The following TUB variants were observed in gnomAD, a reference collection of about 807,000 sequenced individuals.
TUB encodes the protein TUB bipartite transcription factor, also known as tubby protein homolog.
In TUB, 33 loss-of-function variants were observed where a neutral mutation model predicts 59.7. The observed-to-expected ratio is 0.55, with a 90% confidence interval of 0.42 to 0.74. The LOEUF is 0.74. Ranked by LOEUF, TUB falls within the 30% of genes least tolerant of loss-of-function variation. The probability of loss-of-function intolerance (pLI) is 0.00; values close to 1 mark genes in which losing one functional copy is unlikely to be tolerated. For missense variants in TUB, 659 were observed against 672.0 expected, an observed-to-expected ratio of 0.98 and a Z score of 0.21; for synonymous variants, 293 against 256.4, an observed-to-expected ratio of 1.14 and a Z score of -1.36.
chr11:8,093,088 A>G (rs556466345), intron 3 of TUB, among the ~76,000 whole-genome samples: 3 of 152,250 alleles, frequency 2.0e-5, no homozygotes, highest in African/African-American at 4.8e-5. Context: ...TGGAGAGACA[A>G]TGTTAAACAG....
Position 8,091,636 on chromosome 11 carries a change from C to CTG in TUB, c.253+1415_253+1416dup, listed in dbSNP as rs562339384. ...GAAAAGCTCCTTCATGCTAATTCCCCTGTGTGTGTGTCAGTTCAGCACCCT... is the reference window on the plus strand; with the variant it reads ...GAAAAGCTCCTTCATGCTAATTCCCCTGTGTGTGTGTGTCAGTTCAGCACCCT... On this transcript the variant is annotated intron_variant, in intron 3 of 11. Transcript: ENST00000299506. Among the ~76,000 whole-genome samples the CTG allele has an allele frequency of 2.0e-3, 307 of 152,262 alleles. 1 individual carries two copies. The highest frequency in any genetic ancestry group is 7.0e-3 in the African/African-American group (292 of 41,550).
chr11:8,025,689 T>C (rs1018179199), intron 1 of TUB, among the ~76,000 whole-genome samples: 2 of 152,246 alleles, frequency 1.3e-5, no homozygotes, highest in African/African-American at 2.4e-5. Flanking sequence ...GTAGTATTCA[T>C]GGATATATCA....
rs181816853 is a variant in TUB at position 8,085,340 on chromosome 11, G to A, written c.38+3792G>A. Among the ~76,000 whole-genome samples, 24 of 152,346 alleles carry A rather than the reference G, an allele frequency of 1.6e-4. 1 individual carries two copies. In the Middle Eastern group the frequency reaches 0.01, roughly 65 times the overall value. On this transcript the variant is annotated intron_variant, in intron 1 of 11. Coordinates refer to ENST00000299506, the MANE Select transcript of TUB (RefSeq NM_177972.3). The stretch of plus-strand genomic sequence containing the variant: ...AATGACCAAGTCAGGGCTTAGTCCC[G>A]CCAGCAGTTTGAATGCACCTGATAC...
At chr11:8,057,254 C>T (rs1445818845) in intron 2 of TUB, among the ~76,000 whole-genome samples, 1 of 152,160 alleles carries the variant, frequency 6.6e-6, no homozygotes, top group Non-Finnish European at 1.5e-5. Flanking sequence ...TATTAAGCAT[C>T]AAACTGGCCG....
At chr11:8,023,769 G>A (rs982282030) in intron 1 of TUB, among the ~76,000 whole-genome samples, 2 of 152,186 alleles carry the variant, frequency 1.3e-5, no homozygotes, top group Non-Finnish European at 2.9e-5. Flanking sequence ...GAAGATAAAA[G>A]GAAAAGATCT....
intron 2 of TUB, among the ~76,000 whole-genome samples, chr11:8,054,039 C>T (rs1277408570): frequency 2.6e-5 from 4 of 151,258 alleles, no homozygotes; most frequent in African/African-American, 7.3e-5. Context: ...GGTGTGAACC[C>T]GGGAGGCGGA....
chr11:8,076,894 GACCT>G (rs1315844548), upstream of TUB: 1 of 152,170 alleles, frequency 6.6e-6, no homozygotes, highest in East Asian at 1.9e-4. Context: ...ACTAGTGGTT[GACCT>G]ACATTTTTTT....
rs76816505 is a variant in TUB at position 8,023,528 on chromosome 11, A to G, written c.56+4170A>G. On this transcript the variant is annotated intron_variant, in intron 1 of 11. Coordinates refer to the TUB transcript ENST00000534099. ...CGCAATGCTTCTAACACAGAAATCT[A>G]TATCTTCAACTCCAGCCTTTTTGCC... 1.1e-3 allele frequency among the ~76,000 whole-genome samples: 164 copies of G among 152,304 alleles called. 3 individuals carry two copies. The East Asian group carries it at 0.027, about 25-fold the overall frequency.
At chr11:8,101,413 T>C (rs1944296941) in intron 11 of TUB, 73 bp from the exon 12 acceptor site, 1 of 1,582,782 alleles carries the variant, frequency 6.3e-7, no homozygotes, top group Non-Finnish European at 8.7e-7. Context: ...GGTTTGGGTG[T>C]CTGTCTATCC....
At chr11:8,069,952 T>G (rs1943328338) in intron 2 of TUB, among the ~76,000 whole-genome samples, 3 of 152,228 alleles carry the variant, frequency 2.0e-5, no homozygotes, top group African/African-American at 7.2e-5. Flanking sequence ...TCTGCCATCC[T>G]GGGATGTGGG....
In TUB at chr11:8,104,300, C is replaced by T. The variant is rs1183366581; in HGVS notation, c.*2681C>T. The T allele has an allele frequency of 2.0e-5, 3 of 152,094 alleles. No individual in the cohort carries two copies. The highest frequency in any genetic ancestry group is 4.4e-5 in the Non-Finnish European group (3 of 68,016). The allele number at this position is 152,094 out of a possible 1,614,324, so 9.4% of individuals were successfully genotyped here. A position where few individuals can be genotyped will look rare whatever the true frequency, so the allele number is the denominator to read the frequency against. ...TTCTCTGTAACCGCTTCTGGGGCCA[C>T]ACCCCAAAACTCTACACCCTCTGCC... On this transcript the variant is annotated 3_prime_UTR_variant, in exon 12 of 12. Transcript: ENST00000299506.
intron 2 of TUB, among the ~76,000 whole-genome samples, chr11:8,042,679 T>C (rs927877857): frequency 6.6e-6 from 1 of 152,228 alleles, no homozygotes; most frequent in African/African-American, 2.4e-5. Context: ...GTGGTTTGGC[T>C]TACATTTCCC....
chr11:8,059,416 A>G (rs78525829), intron 2 of TUB, among the ~76,000 whole-genome samples: 4,283 of 152,246 alleles, frequency 0.028, 199 homozygotes, highest in African/African-American at 0.098. Context: ...TGCTCAGCGG[A>G]ACAGTGCCTC....
upstream of TUB, among the ~76,000 whole-genome samples, chr11:8,038,222 T>C (rs1408196784): frequency 6.6e-6 from 1 of 151,880 alleles, no homozygotes; most frequent in African/African-American, 2.4e-5. Flanking sequence ...AGCAGGTAGG[T>C]AGAGTTTAGA....
chr11:8,096,669 T>C lies in TUB; in HGVS notation c.566-16T>C, dbSNP rs755118979. 8 of 1,539,174 alleles carry C rather than the reference T, an allele frequency of 5.2e-6. No individual in the cohort carries two copies. The African/African-American group carries it at 9.5e-5, about 18-fold the overall frequency. ...CTTCTCCTCCTTCATCCCTTCTTCT[T>C]CTCTCCTTGGCCCAGGCATCTCCAG... On this transcript the variant is annotated splice_polypyrimidine_tract_variant and intron_variant, in intron 5 of 11. Transcript: ENST00000299506.
chr11:8,070,672 C>T (rs1400470614), intron 2 of TUB, among the ~76,000 whole-genome samples: 1 of 152,204 alleles, frequency 6.6e-6, no homozygotes, highest in African/African-American at 2.4e-5. Flanking sequence ...TCGGTCCCCA[C>T]TGAACCATAA....
rs1564924451 is a variant in TUB, at chr11:8,098,623, G to A, written c.999-135G>A. ...GTCTTCAAAGATGTGGATTCAGTGA[G>A]CAGTATGCCTCCCTGGGCCTGCTCC... is the stretch of plus-strand genomic sequence containing the variant. On this transcript the variant is annotated intron_variant, in intron 8 of 11. Transcript: ENST00000299506. 1.1e-5 allele frequency: 7 copies of A among 659,762 alleles called. No individual in the cohort carries two copies. The East Asian group carries it at 1.6e-4, about 15-fold the overall frequency. The allele number at this position is 659,762 out of a possible 1,614,324, so 40.9% of individuals were successfully genotyped here.
intron 5 of TUB, 150 bp from the exon 6 acceptor site, chr11:8,096,535 C>CT: frequency 1.5e-6 from 1 of 687,324 alleles, no homozygotes; most frequent in Non-Finnish European, 2.7e-6. Context: ...GAATGGGAGT[C>CT]TATATGTGTA....
At chr11:8,045,760 G>T (rs1000307704) in intron 2 of TUB, among the ~76,000 whole-genome samples, 12 of 152,214 alleles carry the variant, frequency 7.9e-5, no homozygotes, top group East Asian at 1.9e-4. Context: ...TCCTTCTGGG[G>T]TTTTCTTTTA....
Sources: gnomAD v4.1 joint callset for allele counts (sites outside exome capture counted in the v4.1 genomes callset) on GRCh38, gnomAD v4.1.1 for gene constraint, MANE v1.5 for transcripts, NCBI Gene and HGNC (gene_info 2026-07-23, HGNC 2026-07-21) for gene names.